The following KIAA1217 variants were observed in gnomAD, a reference collection of about 807,000 sequenced individuals.
KIAA1217 encodes KIAA1217.
KIAA1217 carries 88 observed loss-of-function variants against 163.9 expected under a neutral mutation model. That is an observed-to-expected ratio of 0.54 (90% CI 0.45 to 0.64). The LOEUF (loss-of-function observed/expected upper bound fraction) is 0.64, where lower values mean the gene tolerates loss of function less well. KIAA1217 is among the 30% of genes least tolerant of loss of function. The pLI, the probability that KIAA1217 is intolerant of heterozygous loss-of-function variation, is 0.00. For missense variants in KIAA1217, 2,372 were observed against 2,475.0 expected (o/e 0.96, Z 0.88); for synonymous variants, 903 against 923.1 (o/e 0.98, Z 0.39).
intron 2 of KIAA1217, among the ~76,000 whole-genome samples, chr10:24,117,051 G>C (rs983354964): frequency 2.0e-5 from 3 of 147,722 alleles, no homozygotes; most frequent in African/African-American, 7.9e-5. Context: ...TTTTTGGGTG[G>C]GGGGGGATGG....
At chr10:24,530,248 G>A (rs904739391) in intron 14 of KIAA1217, among the ~76,000 whole-genome samples, 1 of 151,978 alleles carries the variant, frequency 6.6e-6, no homozygotes, top group African/African-American at 2.4e-5. Context: ...CCTCATTTTG[G>A]CTCTTGATTC....
chr10:23,969,631 A>T (rs1248128005), intron 1 of KIAA1217, among the ~76,000 whole-genome samples: 1 of 152,114 alleles, frequency 6.6e-6, no homozygotes, highest in African/African-American at 2.4e-5. Context: ...TTGGTTATTT[A>T]TATCTTTACT....
intron 3 of KIAA1217, among the ~76,000 whole-genome samples, chr10:24,427,783 T>G (rs1410010150): frequency 2.0e-5 from 3 of 152,178 alleles, no homozygotes; most frequent in Non-Finnish European, 4.4e-5. Flanking sequence ...GCATGCGGAA[T>G]CTCTAGAAAC....
chr10:24,174,040 C>T (rs2065755541), intron 2 of KIAA1217, among the ~76,000 whole-genome samples: 1 of 152,168 alleles, frequency 6.6e-6, no homozygotes, highest in Non-Finnish European at 1.5e-5. Context: ...ATTCTAATTC[C>T]AGTTGATCTC....
At chr10:23,989,498 C>A (rs560033595) in intron 1 of KIAA1217, among the ~76,000 whole-genome samples, 1 of 152,286 alleles carries the variant, frequency 6.6e-6, no homozygotes, top group Admixed American at 6.5e-5. Context: ...TTCTCCTTGG[C>A]CTCTCTGTAA....
At chr10:23,802,076 C>A (rs1836492951) in intron 1 of KIAA1217, among the ~76,000 whole-genome samples, 1 of 152,186 alleles carries the variant, frequency 6.6e-6, no homozygotes, top group Non-Finnish European at 1.5e-5. Context: ...ACTTGAGAGA[C>A]TGCAGATGGG....
intron 2 of KIAA1217, among the ~76,000 whole-genome samples, chr10:24,318,163 A>T (rs1183507482): frequency 6.6e-6 from 1 of 152,184 alleles, no homozygotes; most frequent in South Asian, 2.1e-4. Context: ...AGATAATTAG[A>T]TAGAGATAGA....
At position 23,824,644 on chromosome 10, in the gene KIAA1217, A is replaced by T. The variant is rs1564453748; in HGVS notation, c.-321+129410A>T. 6.4e-5 allele frequency among the ~76,000 whole-genome samples: 6 copies of T among 94,378 alleles called. 1 individual carries two copies. The highest frequency in any genetic ancestry group is 9.8e-5 in the Non-Finnish European group (5 of 50,780). The allele number at this position is 94,378 out of a possible 152,430, so 61.9% of individuals were successfully genotyped here. On this transcript the variant is annotated intron_variant, in intron 1 of 18. Transcript: ENST00000376462. ...ACTCTGTCTCAAGAAAAAAAAAAAAAAAAAAATAAAAAAAATATATATATA... is the reference window on the plus strand; with the variant it reads ...ACTCTGTCTCAAGAAAAAAAAAAAATAAAAAATAAAAAAAATATATATATA...
At chr10:24,127,913 C>A (rs2063522600) in intron 2 of KIAA1217, among the ~76,000 whole-genome samples, 1 of 152,098 alleles carries the variant, frequency 6.6e-6, no homozygotes, top group African/African-American at 2.4e-5. Context: ...AGTAATAAGT[C>A]AGCAATAAGA....
At chr10:23,779,387 C>T (rs1424373848) in intron 1 of KIAA1217, among the ~76,000 whole-genome samples, 3 of 152,312 alleles carry the variant, frequency 2.0e-5, no homozygotes, top group South Asian at 2.1e-4. Context: ...GGCAACTTCA[C>T]CACTCCAGCA....
At chr10:23,723,076 A>G (rs953919964) in intron 1 of KIAA1217, among the ~76,000 whole-genome samples, 1 of 152,108 alleles carries the variant, frequency 6.6e-6, no homozygotes, top group African/African-American at 2.4e-5. Context: ...CCATTCTTTG[A>G]CCAGTCACTG....
At position 24,543,104 on chromosome 10, in the gene KIAA1217, T is replaced by C. The variant is rs145905184; in HGVS notation, c.3834T>C (p.Asp1278=). 6.2e-7 allele frequency: 1 copy of C among 1,612,876 alleles called. No individual in the cohort carries two copies. Among genetic ancestry groups the C allele is most frequent in the African/African-American group, 1.3e-5 (1 of 74,582 alleles). The change falls in exon 19 of 21, where the codon GAT becomes GAC. Residue 1278 remains aspartate, a synonymous_variant. Transcript: ENST00000376454. The part of the protein sequence containing the change: ...FGFSGISPLE[D]EINKGSKISG... ...TCTCTGGCATTAGTCCATTAGAAGA[T>C]GAAATAAACAAAGGGTCTAAAATCT...
intron 2 of KIAA1217, among the ~76,000 whole-genome samples, chr10:24,353,117 C>T (rs1467289476): frequency 2.0e-5 from 3 of 152,036 alleles, no homozygotes; most frequent in Non-Finnish European, 4.4e-5. Context: ...TATGTTCAGA[C>T]AAGCCAGGGG....
intron 1 of KIAA1217, among the ~76,000 whole-genome samples, chr10:23,994,698 T>A (rs1846386750): frequency 6.6e-6 from 1 of 152,190 alleles, no homozygotes; most frequent in Admixed American, 6.5e-5. Context: ...CATTTCATCT[T>A]GACCAAAGTC....
intron 2 of KIAA1217, among the ~76,000 whole-genome samples, chr10:24,138,510 A>G (rs1475424498): frequency 6.6e-6 from 1 of 152,086 alleles, no homozygotes; most frequent in African/African-American, 2.4e-5. Context: ...TCATTAGATT[A>G]TGTGTTTTTA....
intron 1 of KIAA1217, among the ~76,000 whole-genome samples, chr10:23,748,264 G>C (rs1351524115): frequency 1.3e-5 from 2 of 151,840 alleles, no homozygotes; most frequent in East Asian, 3.9e-4. Flanking sequence ...TTTAGTAGAG[G>C]GTCTTTATCC....
chr10:23,712,951 C>T (rs937498395), intron 1 of KIAA1217, among the ~76,000 whole-genome samples: 3 of 151,988 alleles, frequency 2.0e-5, no homozygotes, highest in African/African-American at 4.8e-5. Flanking sequence ...CCTGAAGCAG[C>T]CAAGGGGGTG....
intron 6 of KIAA1217, among the ~76,000 whole-genome samples, chr10:24,475,388 A>C (rs2063902567): frequency 6.6e-6 from 1 of 152,210 alleles, no homozygotes; most frequent in African/African-American, 2.4e-5. Flanking sequence ...GTTTTCACAC[A>C]CAAGTCAGAA....
chr10:23,761,707 G>A (rs1834268999), intron 1 of KIAA1217, among the ~76,000 whole-genome samples: 2 of 152,078 alleles, frequency 1.3e-5, no homozygotes, highest in African/African-American at 2.4e-5. Flanking sequence ...TTGCCACGTG[G>A]CACTGAAAAG....
Sources: allele counts gnomAD v4.1 joint callset (sites outside exome capture counted in the v4.1 genomes callset), GRCh38; gene constraint gnomAD v4.1.1; transcripts MANE v1.5; gene names NCBI Gene and HGNC (gene_info 2026-07-23, HGNC 2026-07-21).